The following RABGAP1L variants were observed in gnomAD, a reference collection of about 807,000 sequenced individuals.
RABGAP1L encodes RAB GTPase activating protein 1 like.
A neutral mutation model predicts 137.7 loss-of-function variants in RABGAP1L; 63 were observed. The observed-to-expected ratio is 0.46, with a 90% CI of 0.37 to 0.56. The LOEUF (loss-of-function observed/expected upper bound fraction) is 0.56, where lower values mean the gene tolerates loss of function less well. Among genes scored for constraint, RABGAP1L ranks in the 20% least tolerant of loss-of-function variants. RABGAP1L has a pLI of 0.00. For missense variants in RABGAP1L, 1,095 were observed against 1,244.0 expected (o/e 0.88, Z 1.80); for synonymous variants, 431 against 433.7 (o/e 0.99, Z 0.08).
rs1474709827 is a variant in RABGAP1L, at chr1:174,291,391, CTA to C, written c.1323+12614_1323+12615del. On this transcript the variant is annotated intron_variant, in intron 10 of 25. Coordinates refer to ENST00000681986, the MANE Select transcript of RABGAP1L (RefSeq NM_001366446.1). ...TACATTTTAAAAATAATTTTTATGTCTATTTTTATGAGACATTGGTTTATAGT... is the reference window on the plus strand; with the variant it reads ...TACATTTTAAAAATAATTTTTATGTCTTTTTATGAGACATTGGTTTATAGT... 3.3e-5 allele frequency among the ~76,000 whole-genome samples: 5 copies of C among 151,964 alleles called. No homozygotes were observed. The East Asian group carries it at 9.7e-4, about 29-fold the overall frequency.
intron 19 of RABGAP1L, among the ~76,000 whole-genome samples, chr1:174,953,336 C>T (rs1460477823): frequency 6.6e-6 from 1 of 152,200 alleles, no homozygotes; most frequent in Non-Finnish European, 1.5e-5. Context: ...CCTCCCATAT[C>T]TCCGTCTGAG....
At chr1:174,389,230 A>G (rs2149071207) in intron 12 of RABGAP1L, among the ~76,000 whole-genome samples, 1 of 152,172 alleles carries the variant, frequency 6.6e-6, no homozygotes, top group East Asian at 1.9e-4. Context: ...GGGATGGAGA[A>G]ATCTCCGACC....
At chr1:174,778,890 G>A (rs1004017095) in intron 18 of RABGAP1L, among the ~76,000 whole-genome samples, 1 of 151,944 alleles carries the variant, frequency 6.6e-6, no homozygotes, top group Non-Finnish European at 1.5e-5. Flanking sequence ...CACTGCACCC[G>A]GCCACCTTCT....
intron 19 of RABGAP1L, among the ~76,000 whole-genome samples, chr1:174,859,217 C>T (rs971790105): frequency 6.6e-6 from 1 of 152,132 alleles, no homozygotes; most frequent in Non-Finnish European, 1.5e-5. Context: ...CGTGGTGGCT[C>T]ACGCCTTTAA....
chr1:174,451,684 A>C (rs1655471262), intron 13 of RABGAP1L, among the ~76,000 whole-genome samples: 1 of 151,974 alleles, frequency 6.6e-6, no homozygotes, highest in Non-Finnish European at 1.5e-5. Flanking sequence ...TTTTCCCTAC[A>C]ATATTTCTCT....
intron 1 of RABGAP1L, among the ~76,000 whole-genome samples, chr1:174,166,486 G>A (rs1664920574): frequency 6.6e-6 from 1 of 152,182 alleles, no homozygotes; most frequent in Non-Finnish European, 1.5e-5. Context: ...AGGAATTGAT[G>A]GCTTCTTTAT....
At chr1:174,862,457 A>G (rs1036273430) in intron 19 of RABGAP1L, among the ~76,000 whole-genome samples, 57 of 152,270 alleles carry the variant, frequency 3.7e-4, no homozygotes, top group African/African-American at 1.3e-3. Context: ...CTGATCCAAT[A>G]CCTTAATTAT....
intron 14 of RABGAP1L, among the ~76,000 whole-genome samples, chr1:174,671,164 C>G (rs1351842102): frequency 6.6e-6 from 1 of 152,150 alleles, no homozygotes; most frequent in African/African-American, 2.4e-5. Flanking sequence ...TACTAACACA[C>G]TTTTATAAGT....
At chr1:174,919,414 T>C (rs1237759416) in intron 19 of RABGAP1L, among the ~76,000 whole-genome samples, 1 of 152,246 alleles carries the variant, frequency 6.6e-6, no homozygotes, top group Non-Finnish European at 1.5e-5. Context: ...CTACTTCGGC[T>C]TCTCCGTATG....
intron 14 of RABGAP1L, among the ~76,000 whole-genome samples, chr1:174,667,255 C>T (rs1222550448): frequency 6.6e-6 from 1 of 152,140 alleles, no homozygotes; most frequent in Non-Finnish European, 1.5e-5. Context: ...TCCTCCATCT[C>T]TATTGAAACC....
intron 4 of RABGAP1L, among the ~76,000 whole-genome samples, chr1:174,238,225 C>T (rs1227305112): frequency 6.6e-6 from 1 of 152,074 alleles, no homozygotes; most frequent in Non-Finnish European, 1.5e-5. Context: ...AATGTCCTCC[C>T]GTAGCTCAGA....
intron 1 of RABGAP1L, among the ~76,000 whole-genome samples, chr1:174,202,988 G>A (rs979865317): frequency 1.3e-5 from 2 of 151,894 alleles, no homozygotes; most frequent in Non-Finnish European, 2.9e-5. Context: ...TTCTTTTGCT[G>A]TGCAGAAGCT....
chr1:174,576,774 T>A (rs1031278410), intron 13 of RABGAP1L, among the ~76,000 whole-genome samples: 1 of 152,224 alleles, frequency 6.6e-6, no homozygotes, highest in Admixed American at 6.5e-5. Context: ...TCACTGACTG[T>A]GTAAATTAAT....
chr1:174,356,400 GAA>G (rs373868886), intron 11 of RABGAP1L, among the ~76,000 whole-genome samples: 1 of 151,488 alleles, frequency 6.6e-6, no homozygotes, highest in East Asian at 1.9e-4. Flanking sequence ...GTTAAAAAAA[GAA>G]AAAAAATGAG....
intron 13 of RABGAP1L, among the ~76,000 whole-genome samples, chr1:174,482,677 A>T (rs1356330855): frequency 6.6e-6 from 1 of 152,102 alleles, no homozygotes; most frequent in Non-Finnish European, 1.5e-5. Context: ...GGGTTTCATC[A>T]TGTTGCCCAG....
chr1:174,570,611 C>T (rs1393830725), intron 13 of RABGAP1L, among the ~76,000 whole-genome samples: 1 of 152,102 alleles, frequency 6.6e-6, no homozygotes, highest in Admixed American at 6.6e-5. Context: ...CCCCCAATCT[C>T]AGCATTGTGC....
At chr1:174,298,107 G>C (rs1677295570) in intron 10 of RABGAP1L, among the ~76,000 whole-genome samples, 1 of 152,168 alleles carries the variant, frequency 6.6e-6, no homozygotes, top group African/African-American at 2.4e-5. Flanking sequence ...TATTTTAAAG[G>C]GGAACAGACT....
intron 13 of RABGAP1L, among the ~76,000 whole-genome samples, chr1:174,565,729 A>G (rs2148032174): frequency 6.6e-6 from 1 of 152,342 alleles, no homozygotes; most frequent in East Asian, 1.9e-4. Context: ...AATAAATGCA[A>G]AATGCAATAA....
intron 19 of RABGAP1L, among the ~76,000 whole-genome samples, chr1:174,859,482 C>CAAAAAAAAAAAAAAAAAAAAAA (rs35464065): frequency 7.5e-5 from 10 of 133,684 alleles, no homozygotes; most frequent in African/African-American, 1.1e-4. Context: ...GACTCCATCT[C>CAAAAAAAAAAAAAAAAAAAAAA]AAAAAAAAAG....
Sources: gnomAD v4.1 joint callset for allele counts (sites outside exome capture counted in the v4.1 genomes callset) on GRCh38, gnomAD v4.1.1 for gene constraint, MANE v1.5 for transcripts, NCBI Gene and HGNC (gene_info 2026-07-23, HGNC 2026-07-21) for gene names.